The following KIAA1671 variants were observed in gnomAD, a reference collection of about 807,000 sequenced individuals.
KIAA1671 encodes the protein uncharacterized protein KIAA1671.
KIAA1671 carries 52 observed loss-of-function variants against 131.2 expected under a neutral mutation model. That is an observed-to-expected ratio of 0.40 (90% CI 0.32 to 0.50). KIAA1671 has a LOEUF of 0.50. KIAA1671 is among the 20% of genes least tolerant of loss of function. The pLI, the probability that KIAA1671 is intolerant of heterozygous loss-of-function variation, is 0.73. For synonymous variants in KIAA1671, 1,003 were observed against 961.6 expected (o/e 1.04, Z -0.80); for missense variants, 2,360 against 2,364.2 (o/e 1.00, Z 0.04).
chr22:25,193,796 G>A lies in KIAA1671; in HGVS notation c.*1395G>A, dbSNP rs1331698399. 6.6e-6 allele frequency: 1 copy of A among 152,254 alleles called. No individual in the cohort carries two copies. Among genetic ancestry groups the A allele is most frequent in the East Asian group, 1.9e-4 (1 of 5,192 alleles). The allele number at this position is 152,254 out of a possible 1,614,324, so 9.4% of individuals were successfully genotyped here. ...GCCCACCTTGTGTCCTGTTCGATGAGCTTTGGTTACTGATGAGCAATTGCC... is the reference window on the plus strand; with the variant it reads ...GCCCACCTTGTGTCCTGTTCGATGAACTTTGGTTACTGATGAGCAATTGCC... On this transcript the variant is annotated 3_prime_UTR_variant, in exon 13 of 13. Transcript: ENST00000358431.
At chr22:24,998,861 G>A (rs1489444417) in intron 1 of KIAA1671, among the ~76,000 whole-genome samples, 1 of 149,086 alleles carries the variant, frequency 6.7e-6, no homozygotes, top group Admixed American at 6.7e-5. Flanking sequence ...TTTTATTGTT[G>A]TATTATATGC....
intron 1 of KIAA1671, among the ~76,000 whole-genome samples, chr22:25,016,304 C>T (rs2123883573): frequency 6.6e-6 from 1 of 152,110 alleles, no homozygotes; most frequent in Admixed American, 6.5e-5. Flanking sequence ...CAGGCGTGAG[C>T]CACCGTGCCC....
chr22:25,177,633 C>T (rs1934084736), intron 9 of KIAA1671, 111 bp downstream of exon 9: 1 of 881,956 alleles, frequency 1.1e-6, no homozygotes. Flanking sequence ...CATTAGAACA[C>T]AATTACATAG....
At chr22:25,084,355 A>G (rs1164193085) in intron 6 of KIAA1671, among the ~76,000 whole-genome samples, 1 of 151,488 alleles carries the variant, frequency 6.6e-6, no homozygotes, top group Non-Finnish European at 1.5e-5. Context: ...CACGCCTGTA[A>G]TCCCAGCTAC....
rs1344915337 is a variant in KIAA1671 at position 25,040,205 on chromosome 22, G to C, written c.3075G>C (p.Ala1025=). 4 of 1,551,556 alleles carry C rather than the reference G, an allele frequency of 2.6e-6. No homozygotes were observed. The highest frequency in any genetic ancestry group is 1.4e-5 in the African/African-American group (1 of 73,026). ...AAGGGTCACCTGTGGAACCCAAGGCGACATTTTTTGCAGTCACCTATCAGA... is the reference window on the plus strand; with the variant it reads ...AAGGGTCACCTGTGGAACCCAAGGCCACATTTTTTGCAGTCACCTATCAGA... ...VKQGSPVEPK[A]TFFAVTYQIP... The change falls in exon 5 of 13, where the codon GCG becomes GCC. Residue 1025 remains alanine, a synonymous_variant. Coordinates refer to ENST00000358431, the MANE Select transcript of KIAA1671 (RefSeq NM_001145206.2).
intron 6 of KIAA1671, among the ~76,000 whole-genome samples, chr22:25,103,335 C>T (rs569103331): frequency 7.9e-5 from 12 of 152,136 alleles, no homozygotes; most frequent in South Asian, 4.2e-4. Flanking sequence ...CTCAGCCTCC[C>T]GGGTAGCTGG....
intron 1 of KIAA1671, among the ~76,000 whole-genome samples, chr22:25,016,675 G>A (rs530636067): frequency 1.1e-3 from 162 of 152,282 alleles, no homozygotes; most frequent in African/African-American, 3.8e-3. Context: ...TGGTTGCCAC[G>A]GGCTGGGGAA....
intron 6 of KIAA1671, among the ~76,000 whole-genome samples, chr22:25,071,788 C>G (rs533933201): frequency 6.4e-4 from 97 of 152,232 alleles, no homozygotes; most frequent in African/African-American, 2.3e-3. Flanking sequence ...ATCTCATGTT[C>G]ATTCAGCACA....
chr22:25,092,611 A>T (rs1157655470), intron 6 of KIAA1671, among the ~76,000 whole-genome samples: 1 of 152,000 alleles, frequency 6.6e-6, no homozygotes, highest in Non-Finnish European at 1.5e-5. Flanking sequence ...GGCAGTGGGG[A>T]CTTGGGTCCA....
rs1453064897 is a variant in KIAA1671, at chr22:25,028,504, C to T, written c.505C>T (p.Leu169=). 2 of 1,549,134 alleles carry T rather than the reference C, an allele frequency of 1.3e-6. No individual in the cohort carries two copies. The highest frequency in any genetic ancestry group is 2.4e-5 in the East Asian group (1 of 40,904). The part of the protein sequence containing the change: ...AVSEGAEEAK[L]GVSGSRPEVA... ...TAGTGAGGGGGCGGAGGAGGCCAAG[C>T]TAGGTGTGTCCGGCTCCCGGCCTGA... Residue 169 remains leucine (L), a synonymous_variant, in exon 3 of 13, where the codon CTA becomes TTA. Transcript: ENST00000358431.
intron 6 of KIAA1671, among the ~76,000 whole-genome samples, chr22:25,106,721 AAAAATT>A (rs1284418959): frequency 6.6e-6 from 1 of 152,258 alleles, no homozygotes; most frequent in Non-Finnish European, 1.5e-5. Context: ...ATTGTTTTTA[AAAAATT>A]AAAATTAATG....
intron 1 of KIAA1671, among the ~76,000 whole-genome samples, chr22:25,004,720 G>A (rs550085280): frequency 1.3e-5 from 2 of 152,158 alleles, no homozygotes; most frequent in Admixed American, 6.5e-5. Flanking sequence ...GCCGAGGCGG[G>A]CAGATCATGA....
chr22:25,111,464 GA>G (rs993569517), intron 6 of KIAA1671, among the ~76,000 whole-genome samples: 14 of 152,364 alleles, frequency 9.2e-5, no homozygotes, highest in African/African-American at 3.4e-4. Flanking sequence ...CCTGGGCAGC[GA>G]AGCCCCTCGC....
At chr22:24,983,504 C>T (rs1033520057) in intron 1 of KIAA1671, among the ~76,000 whole-genome samples, 2 of 151,728 alleles carry the variant, frequency 1.3e-5, no homozygotes, top group Non-Finnish European at 2.9e-5. Context: ...AAGAAGGTCG[C>T]ATTCTGAGAT....
At chr22:25,121,184 C>T (rs928889044) in intron 6 of KIAA1671, among the ~76,000 whole-genome samples, 26 of 152,062 alleles carry the variant, frequency 1.7e-4, no homozygotes, top group African/African-American at 6.0e-4. Flanking sequence ...TTTAGTTGGC[C>T]GGGCGCGGTG....
intron 4 of KIAA1671, among the ~76,000 whole-genome samples, chr22:25,035,616 A>G (rs1473981822): frequency 6.6e-6 from 1 of 152,190 alleles, no homozygotes; most frequent in Non-Finnish European, 1.5e-5. Context: ...GAAAATGGTT[A>G]GGAGTGATAC....
At chr22:25,101,723 G>C (rs959883482) in intron 6 of KIAA1671, among the ~76,000 whole-genome samples, 1 of 152,018 alleles carries the variant, frequency 6.6e-6, no homozygotes, top group Non-Finnish European at 1.5e-5. Flanking sequence ...AGGATGTTTG[G>C]AGTCCTGTGA....
chr22:25,112,423 A>G (rs894493665), intron 6 of KIAA1671: 11 of 398,918 alleles, frequency 2.8e-5, no homozygotes, highest in African/African-American at 1.9e-4. Context: ...GATTTTCTTC[A>G]CTGAGGAAAA....
chr22:25,086,061 A>G (rs1360854992), intron 6 of KIAA1671, among the ~76,000 whole-genome samples: 1 of 152,220 alleles, frequency 6.6e-6, no homozygotes, highest in Admixed American at 6.5e-5. Context: ...AGTGAACTCT[A>G]TCAGTAGTGG....
Sources: gnomAD v4.1 joint callset for allele counts (sites outside exome capture counted in the v4.1 genomes callset) on GRCh38, gnomAD v4.1.1 for gene constraint, MANE v1.5 for transcripts, NCBI Gene and HGNC (gene_info 2026-07-23, HGNC 2026-07-21) for gene names.